Variants in GMPS observed in about 807,000 individuals in gnomAD.
GMPS encodes the protein guanosine monophosphate synthase.
A neutral mutation model predicts 77.9 loss-of-function variants in GMPS; 15 were observed. That is an observed-to-expected ratio of 0.19 (90% CI 0.13 to 0.30). The LOEUF (loss-of-function observed/expected upper bound fraction) is 0.30. GMPS is among the 10% of genes least tolerant of loss of function. The probability of loss-of-function intolerance (pLI) is 1.00; values close to 1 mark genes in which losing one functional copy is unlikely to be tolerated. For synonymous variants in GMPS, 224 were observed against 275.9 expected (o/e 0.81, Z 1.86); for missense variants, 590 against 838.8 (o/e 0.70, Z 3.66).
intron 3 of GMPS, among the ~76,000 whole-genome samples, chr3:155,898,906 T>A (rs2108082648): frequency 6.6e-6 from 1 of 152,306 alleles, no homozygotes; most frequent in South Asian, 2.1e-4. Context: ...TAACATTAAT[T>A]AATAAGTATA....
At chr3:155,891,472 A>G (rs1754460736) in intron 1 of GMPS, among the ~76,000 whole-genome samples, 1 of 152,154 alleles carries the variant, frequency 6.6e-6, no homozygotes, top group African/African-American at 2.4e-5. Context: ...TTGTTCTGTG[A>G]TTTCACTTTT....
In GMPS at chr3:155,938,833, C is replaced by G; in HGVS notation, c.*1141C>G. 1 of 213,116 alleles carries G rather than the reference C, an allele frequency of 4.7e-6. No homozygotes were observed. The highest frequency in any genetic ancestry group is 2.3e-5 in the African/African-American group (1 of 44,320). 13.2% of individuals were successfully genotyped at this position (213,116 alleles called of 1,614,324 possible). On this transcript the variant is annotated 3_prime_UTR_variant, in exon 16 of 16. Coordinates refer to ENST00000496455, the MANE Select transcript of GMPS (RefSeq NM_003875.3). ...TGTTGCCATCACCACCAGTTTCTAA[C>G]AGATCTTTTATAACATTCACATAAG...
chr3:155,919,122 C>G, intron 9 of GMPS, 111 bp from the exon 10 acceptor site: 1 of 574,720 alleles, frequency 1.7e-6, no homozygotes, highest in East Asian at 2.8e-5. Flanking sequence ...TAGTAATAAT[C>G]TGTTAGTCTA....
At chr3:155,933,331 A>T (rs748696585) in intron 13 of GMPS, among the ~76,000 whole-genome samples, 4 of 152,156 alleles carry the variant, frequency 2.6e-5, no homozygotes, top group African/African-American at 7.2e-5. Context: ...GAATCTTTGT[A>T]CAGGGAGGGA....
intron 14 of GMPS, among the ~76,000 whole-genome samples, chr3:155,935,486 C>T (rs1163321805): frequency 6.6e-6 from 1 of 152,190 alleles, no homozygotes; most frequent in African/African-American, 2.4e-5. Context: ...CAGGCGTGAG[C>T]CACTGCACCT....
rs1022394711 is a variant in GMPS at position 155,939,503 on chromosome 3, T to C, written c.*1811T>C. Reference sequence around the variant, plus strand: ...AAAAGGATTAGGTGGTCATATAAGTTTGGGGAACATAAGCTCACTTGTCCT... The same window carrying C: ...AAAAGGATTAGGTGGTCATATAAGTCTGGGGAACATAAGCTCACTTGTCCT... On this transcript the variant is annotated 3_prime_UTR_variant, in exon 16 of 16. Coordinates refer to ENST00000496455, the MANE Select transcript of GMPS (RefSeq NM_003875.3). 6 of 205,260 alleles carry C rather than the reference T, an allele frequency of 2.9e-5. No individual in the cohort carries two copies. Among genetic ancestry groups the C allele is most frequent in the African/African-American group, 1.4e-4 (6 of 43,854 alleles). 12.7% of individuals were successfully genotyped at this position (205,260 alleles called of 1,614,324 possible). A position where few individuals can be genotyped will look rare whatever the true frequency, so the allele number is the denominator to read the frequency against.
intron 4 of GMPS, 46 bp from the exon 5 acceptor site, chr3:155,906,114 T>C (rs775779669): frequency 4.4e-6 from 5 of 1,123,822 alleles, no homozygotes; most frequent in Admixed American, 4.4e-5. Context: ...CCATGAATCA[T>C]GTTTTTAATT....
At chr3:155,870,348 G>A (rs574914550), upstream of GMPS, among the ~76,000 whole-genome samples, 5 of 147,946 alleles carry the variant, frequency 3.4e-5, no homozygotes, top group Non-Finnish European at 7.4e-5. Context: ...ATTCGGCTTC[G>A]GTTTTTCTCC....
At position 155,916,079 on chromosome 3, in the gene GMPS, G is replaced by A. The variant is rs1379391630; in HGVS notation, c.1099G>A (p.Gly367Ser). The A allele has an allele frequency of 3.1e-6, 5 of 1,613,124 alleles. No individual in the cohort carries two copies. The highest frequency in any genetic ancestry group is 4.2e-6 in the Non-Finnish European group (5 of 1,179,252). ...LKPEEVFLAQ[G>S]TLRPDLIESA... ...ACCAGAGGAGGTTTTCCTTGCCCAA[G>A]GTACTTTACGGCCTGATCTAATTGA... Residue 367 changes from glycine to serine, a missense_variant, in exon 9 of 16, where the codon GGT becomes AGT. Gly to Ser is a moderately conservative substitution (Grantham distance 56, BLOSUM62 0). Around this residue, in one of 6 missense-constraint regions of GMPS, gnomAD observed 181 missense variants for 186.8 expected, o/e 0.97. Transcript: ENST00000496455.
rs750639725 is a variant in GMPS, at chr3:155,914,450, A to G, written c.918A>G (p.Gly306=). The G allele has an allele frequency of 1.9e-6, 3 of 1,586,142 alleles. No individual in the cohort carries two copies. The highest frequency in any genetic ancestry group is 1.9e-5 in the Admixed American group (1 of 53,520). ...VINAAHSFYN[G]TTTLPISDED... is the part of the protein sequence containing the mutation. ...ATGCTGCTCATTCTTTCTACAATGG[A>G]ACAACAACCCTACCAATATCAGATG... The change falls in exon 8 of 16, where the codon GGA becomes GGG. Residue 306 remains glycine, a synonymous_variant. Transcript: ENST00000496455.
intron 3 of GMPS, among the ~76,000 whole-genome samples, chr3:155,900,729 T>A (rs1754715397): frequency 6.6e-6 from 1 of 152,182 alleles, no homozygotes; most frequent in South Asian, 2.1e-4. Context: ...ATTTTTGCCT[T>A]TATTATCAGC....
At chr3:155,924,157 G>A (rs1347981877) in intron 11 of GMPS, among the ~76,000 whole-genome samples, 3 of 152,212 alleles carry the variant, frequency 2.0e-5, no homozygotes, top group Non-Finnish European at 4.4e-5. Flanking sequence ...GGGATTACAG[G>A]CGTGAGCCAC....
At chr3:155,904,899 C>T (rs753312853) in intron 4 of GMPS, among the ~76,000 whole-genome samples, 9 of 152,208 alleles carry the variant, frequency 5.9e-5, no homozygotes, top group Non-Finnish European at 1.2e-4. Context: ...TATTCCTAAA[C>T]AACAATGTCA....
In GMPS at chr3:155,870,760, C is replaced by G. The variant is rs990286281; in HGVS notation, c.-111C>G. On this transcript the variant is annotated 5_prime_UTR_variant, in exon 1 of 16. Transcript: ENST00000496455. ...TGGCTCCTCTCCGCTGCCGGCTGCT[C>G]CTCGACCAGGCCTCCTTCTCAACCT... The G allele has an allele frequency of 1.3e-5, 9 of 706,856 alleles. No individual in the cohort carries two copies. Among genetic ancestry groups the G allele is most frequent in the Non-Finnish European group, 2.1e-5 (9 of 422,322 alleles). 43.8% of individuals were successfully genotyped at this position (706,856 alleles called of 1,614,324 possible).
intron 3 of GMPS, among the ~76,000 whole-genome samples, chr3:155,899,521 A>G (rs1754683720): frequency 6.6e-6 from 1 of 152,010 alleles, no homozygotes; most frequent in Non-Finnish European, 1.5e-5. Flanking sequence ...TATACCTCCA[A>G]CCTCTACACA....
chr3:155,922,958 A>G (rs1477816967), intron 11 of GMPS, among the ~76,000 whole-genome samples: 1 of 152,198 alleles, frequency 6.6e-6, no homozygotes, highest in Non-Finnish European at 1.5e-5. Context: ...ATCTTCACCT[A>G]GGTCCCAAAG....
intron 10 of GMPS, among the ~76,000 whole-genome samples, chr3:155,920,590 G>GA (rs889414615): frequency 1.4e-3 from 163 of 115,170 alleles, no homozygotes; most frequent in African/African-American, 2.7e-3. Flanking sequence ...AAAAAAAAAA[G>GA]AAAAAAAAAA....
intron 12 of GMPS, among the ~76,000 whole-genome samples, chr3:155,927,985 T>C (rs1577533278): frequency 6.6e-6 from 1 of 151,792 alleles, no homozygotes; most frequent in East Asian, 1.9e-4. Context: ...CATGTATTTA[T>C]GTAGGATCAT....
At chr3:155,920,065 C>G (rs937024409) in intron 10 of GMPS, among the ~76,000 whole-genome samples, 7 of 152,184 alleles carry the variant, frequency 4.6e-5, no homozygotes, top group African/African-American at 9.6e-5. Flanking sequence ...GCTAGGCACT[C>G]TGCTAAATAC....
Sources: gnomAD v4.1 joint callset for allele counts (sites outside exome capture counted in the v4.1 genomes callset) on GRCh38, gnomAD v4.1.1 for gene constraint, gnomAD v4.1.1 regional missense constraint, MANE v1.5 for transcripts, NCBI Gene and HGNC (gene_info 2026-07-23, HGNC 2026-07-21) for gene names.